Variants in ANAPC4 observed in about 807,000 individuals in gnomAD.
ANAPC4 encodes the protein anaphase promoting complex subunit 4.
In ANAPC4, 63 loss-of-function variants were observed where a neutral mutation model predicts 119.8. The ratio of observed to expected loss-of-function variants is 0.53; its 90% CI spans 0.43 to 0.65. ANAPC4 has a LOEUF of 0.65. ANAPC4 is among the 30% of genes least tolerant of loss of function. The pLI is 0.00. For synonymous variants in ANAPC4, 283 were observed against 318.6 expected, an observed-to-expected ratio of 0.89 and a Z score of 1.19; for missense variants, 716 against 945.1, an observed-to-expected ratio of 0.76 and a Z score of 3.18.
At chr4:25,390,104 G>A in intron 7 of ANAPC4, 32 bp from the exon 8 acceptor site, 1 of 1,425,150 alleles carries the variant, frequency 7.0e-7, no homozygotes, top group Non-Finnish European at 9.9e-7. Context: ...GTTGTTGATT[G>A]GTTCTCAGCT....
Position 25,392,403 on chromosome 4 carries a change from T to C in ANAPC4, c.771T>C (p.His257=), listed in dbSNP as rs1405381913. The change falls in exon 10 of 29, where the codon CAT becomes CAC. Residue 257 remains histidine (H), a synonymous_variant. Coordinates refer to ENST00000315368, the MANE Select transcript of ANAPC4 (RefSeq NM_013367.3). ...CTCGGATGGCCAGAAAGTTTACTCA[T>C]ATTTCAGCTCTGTTACAGGTATTTA... ...EVTRMARKFT[H]ISALLQYINL... is the part of the protein sequence containing the mutation. 6.2e-7 allele frequency: 1 copy of C among 1,609,442 alleles called. No individual in the cohort carries two copies. Among genetic ancestry groups the C allele is most frequent in the Non-Finnish European group, 8.5e-7 (1 of 1,175,890 alleles).
At position 25,394,683 on chromosome 4, in the gene ANAPC4, G is replaced by T; in HGVS notation, c.954G>T (p.Gln318His). ...LLWGKASAELQTLLMNQLTVK... is the reference protein window; with the variant it reads ...LLWGKASAELHTLLMNQLTVK... ...TTTTTCATTGTAGTGCTGAACTTCA[G>T]ACTCTCTTGATGAATCAGTTAACAG... The change falls in exon 13 of 29, where the codon CAG (glutamine) becomes CAT (histidine). Residue 318 changes from glutamine to histidine, a missense_variant. Physicochemically the swap from Gln to His is conservative, Grantham distance 24. This residue lies in a region of ANAPC4 where 504 missense variants were observed against 615.8 expected (regional missense o/e 0.82). Transcript: ENST00000315368. 1 of 1,600,274 alleles carries T rather than the reference G, an allele frequency of 6.2e-7. No individual in the cohort carries two copies. Among genetic ancestry groups the T allele is most frequent in the South Asian group, 1.1e-5 (1 of 87,232 alleles).
At chr4:25,414,165 C>T (rs867233722) in intron 22 of ANAPC4, 159 bp from the exon 23 acceptor site, 33 of 552,270 alleles carry the variant, frequency 6.0e-5, no homozygotes, top group Middle Eastern at 4.9e-4. Context: ...TCTCTTTTTC[C>T]TTACTGTTAC....
chr4:25,407,103 C>A, intron 19 of ANAPC4, 94 bp from the exon 20 acceptor site: 3 of 1,103,518 alleles, frequency 2.7e-6, no homozygotes, highest in Non-Finnish European at 3.9e-6. Context: ...CTGCCACTCA[C>A]AGCTCTCTTG....
chr4:25,392,367 A>G lies in ANAPC4; in HGVS notation c.735A>G (p.Leu245=). The G allele has an allele frequency of 2.5e-6, 4 of 1,613,216 alleles. No individual in the cohort carries two copies. Among genetic ancestry groups the G allele is most frequent in the Non-Finnish European group, 3.4e-6 (4 of 1,179,216 alleles). The change falls in exon 10 of 29, where the codon TTA becomes TTG. Residue 245 remains leucine, a synonymous_variant. Coordinates refer to ENST00000315368, the MANE Select transcript of ANAPC4 (RefSeq NM_013367.3). ...QLETNLLYSF[L]PEVTRMARKF... The stretch of plus-strand genomic sequence containing the variant: ...AAACTAATCTGTTGTACTCTTTCTT[A>G]CCTGAAGTAACTCGGATGGCCAGAA...
chr4:25,408,076 C>T (rs1723360333), intron 20 of ANAPC4, among the ~76,000 whole-genome samples: 1 of 152,162 alleles, frequency 6.6e-6, no homozygotes, highest in African/African-American at 2.4e-5. Context: ...ATATCTGCTG[C>T]TACATTCAGT....
At chr4:25,386,700 A>AATAGACTTGCTTGGCTG (rs1383402363) in intron 4 of ANAPC4, among the ~76,000 whole-genome samples, 4 of 152,246 alleles carry the variant, frequency 2.6e-5, no homozygotes, top group Admixed American at 1.3e-4. Context: ...AAAGGACTCC[A>AATAGACTTGCTTGGCTG]ATAGACTTGC....
chr4:25,402,763 T>C (rs939184772), intron 16 of ANAPC4, among the ~76,000 whole-genome samples: 2 of 152,216 alleles, frequency 1.3e-5, no homozygotes, highest in South Asian at 2.1e-4. Flanking sequence ...TTATTTGCTT[T>C]ATTTTTATAA....
chr4:25,415,418 T>C (rs1343607217), intron 25 of ANAPC4, 48 bp from the exon 26 acceptor site: 2 of 1,413,874 alleles, frequency 1.4e-6, no homozygotes, highest in Non-Finnish European at 2.0e-6. Flanking sequence ...TTATTGACTA[T>C]CCAGGTTGTT....
Position 25,392,394 on chromosome 4 carries a change from G to A in ANAPC4, c.762G>A (p.Lys254=), listed in dbSNP as rs375294769. 1.6e-5 allele frequency: 25 copies of A among 1,611,946 alleles called. No individual in the cohort carries two copies. Among genetic ancestry groups the A allele is most frequent in the Non-Finnish European group, 1.9e-5 (22 of 1,178,208 alleles). Residue 254 remains lysine (K), a synonymous_variant, in exon 10 of 29, where the codon AAG becomes AAA. Transcript: ENST00000315368. ...CTGAAGTAACTCGGATGGCCAGAAA[G>A]TTTACTCATATTTCAGCTCTGTTAC... ...FLPEVTRMAR[K]FTHISALLQY...
Position 25,394,889 on chromosome 4 carries a change from A to C in ANAPC4, c.1045A>C (p.Ile349Leu), listed in dbSNP as rs1233968211. Residue 349 changes from isoleucine to leucine, a missense_variant, in exon 14 of 29, where the codon ATA becomes CTA. Physicochemically the swap from Ile to Leu is conservative, Grantham distance 5. This residue lies in a region of ANAPC4 where 504 missense variants were observed against 615.8 expected (regional missense o/e 0.82). Transcript: ENST00000315368. ...ATACTCCAGTATACAAAAATTGGTC[A>C]TAAGTCATTTACAGAGGTATGAAGG... ...SSYSSIQKLV[I>L]SHLQSGSESL... The C allele has an allele frequency of 6.2e-7, 1 of 1,613,326 alleles. No individual in the cohort carries two copies. The highest frequency in any genetic ancestry group is 8.5e-7 in the Non-Finnish European group (1 of 1,179,700).
In ANAPC4 at chr4:25,380,382, T is replaced by A; in HGVS notation, c.138T>A (p.Leu46=). The stretch of plus-strand genomic sequence containing the variant: ...TATCTGCTTTGTCTTAGGTTTTACT[T>A]CATCGACTGGCAAGTTTTCATCGAG... The part of the protein sequence containing the change: ...ALANTAGEVL[L]HRLASFHRVW... Residue 46 remains leucine, a synonymous_variant, in exon 3 of 29, where the codon CTT becomes CTA. Transcript: ENST00000315368. 1.2e-6 allele frequency: 2 copies of A among 1,612,264 alleles called. No individual in the cohort carries two copies. The highest frequency in any genetic ancestry group is 1.3e-5 in the African/African-American group (1 of 75,010).
At chr4:25,406,993 A>G in intron 19 of ANAPC4, 108 bp downstream of exon 19, 2 of 993,018 alleles carry the variant, frequency 2.0e-6, no homozygotes, top group African/African-American at 1.6e-5. Context: ...GTCTATAGCA[A>G]TTACTTTTTT....
chr4:25,395,031 G>C, intron 14 of ANAPC4, 126 bp downstream of exon 14: 1 of 685,538 alleles, frequency 1.5e-6, no homozygotes, highest in Non-Finnish European at 2.4e-6. Context: ...ATTGTTGCAT[G>C]GCATTTGAGA....
intron 2 of ANAPC4, among the ~76,000 whole-genome samples, chr4:25,379,145 C>G (rs541011217): frequency 6.6e-6 from 1 of 152,044 alleles, no homozygotes; most frequent in Non-Finnish European, 1.5e-5. Context: ...ATTTTGGTGG[C>G]CCTGCAGTTG....
In ANAPC4 at chr4:25,407,216, G is replaced by T. The variant is rs34811474; in HGVS notation, c.1394G>T (p.Arg465Leu). ...HFNEAPDLYN[R>L]KGKYFNVERV... ...TTCCAGGCTCCAGACCTTTATAATCGAAAAGGAAAATACTTTAACGTTGAA... is the reference window on the plus strand; with the variant it reads ...TTCCAGGCTCCAGACCTTTATAATCTAAAAGGAAAATACTTTAACGTTGAA... Residue 465 changes from arginine to leucine, a missense_variant, in exon 20 of 29, where the codon CGA (arginine) becomes CTA (leucine). Physicochemically the swap from Arg to Leu is moderately radical, Grantham distance 102. Transcript: ENST00000315368. The T allele has an allele frequency of 6.2e-7, 1 of 1,606,772 alleles. No homozygotes were observed. Among genetic ancestry groups the T allele is most frequent in the Non-Finnish European group, 8.5e-7 (1 of 1,177,274 alleles).
chr4:25,407,327 C>G (rs1723309177), intron 20 of ANAPC4, 74 bp downstream of exon 20: 5 of 1,185,418 alleles, frequency 4.2e-6, no homozygotes, highest in Non-Finnish European at 4.8e-6. Context: ...GAAAGAATTA[C>G]AATACCAAGT....
intron 2 of ANAPC4, among the ~76,000 whole-genome samples, chr4:25,378,180 A>AT (rs1721514909): frequency 6.6e-6 from 1 of 152,242 alleles, no homozygotes; most frequent in Non-Finnish European, 1.5e-5. Context: ...TCTTGTTCAC[A>AT]TAAAACTTCA....
chr4:25,395,875 T>G (rs553682213), intron 14 of ANAPC4, among the ~76,000 whole-genome samples: 1 of 152,336 alleles, frequency 6.6e-6, no homozygotes, highest in South Asian at 2.1e-4. Context: ...CACTGTCCTT[T>G]GAATGTATTT....
Sources: allele counts gnomAD v4.1 joint callset (sites outside exome capture counted in the v4.1 genomes callset), GRCh38; gene constraint gnomAD v4.1.1; regional missense constraint gnomAD v4.1.1; transcripts MANE v1.5; gene names NCBI Gene and HGNC (gene_info 2026-07-23, HGNC 2026-07-21).